VTA1: variants seen among roughly 807,000 people sequenced by gnomAD.
VTA1 encodes the protein vacuolar protein sorting-associated protein VTA1 homolog.
A neutral mutation model predicts 36.9 loss-of-function variants in VTA1; 24 were observed. The observed-to-expected ratio is 0.65, with a 90% CI of 0.47 to 0.91. The LOEUF (loss-of-function observed/expected upper bound fraction) is 0.91, where lower values mean the gene tolerates loss of function less well. Ranked by LOEUF, VTA1 falls within the 40% of genes least tolerant of loss-of-function variation. The probability of loss-of-function intolerance (pLI) is 0.00; values close to 1 mark genes in which losing one functional copy is unlikely to be tolerated. For synonymous variants in VTA1, 142 were observed against 130.2 expected, an observed-to-expected ratio of 1.09 and a Z score of -0.62; for missense variants, 393 against 377.2, an observed-to-expected ratio of 1.04 and a Z score of -0.35.
At chr6:142,204,615 CTT>C (rs1207271709) in intron 7 of VTA1, among the ~76,000 whole-genome samples, 1 of 151,932 alleles carries the variant, frequency 6.6e-6, no homozygotes, top group Non-Finnish European at 1.5e-5. Context: ...CTCATTCAGA[CTT>C]TTGTTTTCTT....
intron 4 of VTA1, among the ~76,000 whole-genome samples, chr6:142,173,193 T>C (rs1042177181): frequency 1.6e-4 from 24 of 152,306 alleles, no homozygotes; most frequent in African/African-American, 5.8e-4. Flanking sequence ...ATTCAAGTTA[T>C]AAGATTAGAC....
chr6:142,157,604 T>C (rs1056794827), intron 1 of VTA1, among the ~76,000 whole-genome samples: 1 of 152,122 alleles, frequency 6.6e-6, no homozygotes, highest in Admixed American at 6.5e-5. Flanking sequence ...ATTCTTAACT[T>C]TCATTTCTTT....
intron 4 of VTA1, among the ~76,000 whole-genome samples, chr6:142,181,684 C>T (rs903407388): frequency 3.3e-5 from 5 of 151,388 alleles, no homozygotes; most frequent in African/African-American, 1.2e-4. Context: ...AGTTACCGAC[C>T]TTACCTTGTT....
chr6:142,198,770 T>A, intron 6 of VTA1, 155 bp downstream of exon 6: 1 of 661,108 alleles, frequency 1.5e-6, no homozygotes, highest in Non-Finnish European at 2.4e-6. Flanking sequence ...ATTATTTTCA[T>A]TAAAATTTTA....
intron 4 of VTA1, among the ~76,000 whole-genome samples, chr6:142,180,792 T>A (rs1775211534): frequency 6.6e-6 from 1 of 151,904 alleles, no homozygotes; most frequent in Non-Finnish European, 1.5e-5. Flanking sequence ...CCGAACGTAA[T>A]CATGAGGAGA....
At chr6:142,209,708 TTAA>T (rs1443832792) in intron 7 of VTA1, among the ~76,000 whole-genome samples, 3 of 151,776 alleles carry the variant, frequency 2.0e-5, no homozygotes, top group African/African-American at 7.2e-5. Flanking sequence ...TGTGTATATA[TTAA>T]TAACAGAAAA....
chr6:142,195,273 A>G (rs1351536062), intron 5 of VTA1, among the ~76,000 whole-genome samples: 1 of 135,744 alleles, frequency 7.4e-6, no homozygotes, highest in African/African-American at 2.5e-5. Context: ...TAGATTTAGG[A>G]CTGTTCAGAT....
At chr6:142,198,096 C>CAAA (rs200763527) in intron 5 of VTA1, among the ~76,000 whole-genome samples, 89 of 100,334 alleles carry the variant, frequency 8.9e-4, no homozygotes, top group Non-Finnish European at 1.4e-3. Flanking sequence ...GACTCCGTCT[C>CAAA]AAAAAAAAAT....
At chr6:142,157,197 T>C (rs1472628892) in intron 1 of VTA1, among the ~76,000 whole-genome samples, 1 of 152,254 alleles carries the variant, frequency 6.6e-6, no homozygotes, top group African/African-American at 2.4e-5. Flanking sequence ...TGCCTCTTAC[T>C]ATTTTTTGTT....
rs184348939 is a variant in VTA1 at position 142,174,243 on chromosome 6, G to A, written c.411+3822G>A. On this transcript the variant is annotated intron_variant, in intron 4 of 7. Transcript: ENST00000367630. ...GGGCTGTACCCTGCAAAGCCATAGG[G>A]GCAGAGCTGCCCAAGGCCACCACTT... 1.8e-3 allele frequency among the ~76,000 whole-genome samples: 275 copies of A among 152,286 alleles called. 2 individuals carry two copies. Among genetic ancestry groups the A allele is most frequent in the African/African-American group, 5.9e-3 (245 of 41,578 alleles).
chr6:142,165,049 G>A lies in VTA1; in HGVS notation c.113-1179G>A, dbSNP rs147961190. The stretch of plus-strand genomic sequence containing the variant: ...TTGTTACAAGTCAATTTGTTTAAAA[G>A]CAAACCAATTTGACAGAAGATTATT... On this transcript the variant is annotated intron_variant, in intron 1 of 7. Transcript: ENST00000367630. Among the ~76,000 whole-genome samples, 49 of 152,282 alleles carry A rather than the reference G, an allele frequency of 3.2e-4. 1 individual carries two copies. The highest frequency in any genetic ancestry group is 1.9e-4 in the African/African-American group (8 of 41,564).
chr6:142,215,526 G>C (rs1775990834), intron 7 of VTA1, among the ~76,000 whole-genome samples: 2 of 152,066 alleles, frequency 1.3e-5, no homozygotes. Flanking sequence ...AATTCTGCCT[G>C]TATTCATAAC....
intron 6 of VTA1, chr6:142,198,817 G>A: frequency 2.2e-6 from 1 of 461,464 alleles, no homozygotes. Flanking sequence ...GAAATGACAA[G>A]TATTATGTGC....
At position 142,147,319 on chromosome 6, in the gene VTA1, C is replaced by G; in HGVS notation, c.32C>G (p.Pro11Arg). The G allele has an allele frequency of 6.2e-7, 1 of 1,614,222 alleles. No individual in the cohort carries two copies. The highest frequency in any genetic ancestry group is 8.5e-7 in the Non-Finnish European group (1 of 1,180,028). Residue 11 changes from proline (P) to arginine (R), a missense_variant, in exon 1 of 8, where the codon CCC (proline) becomes CGC (arginine). Pro to Arg is a moderately radical substitution (Grantham distance 103). Transcript: ENST00000367630. ...GCGCTTGCACCGCTGCCCCCGCTCC[C>G]CGCACAGTTCAAGAGCATACAGCAT... is the stretch of plus-strand genomic sequence containing the variant. Reference protein sequence around the residue: MAALAPLPPLPAQFKSIQHHL... With the variant: MAALAPLPPLRAQFKSIQHHL...
In VTA1 at chr6:142,169,569, A is replaced by G. The variant is rs1055903048; in HGVS notation, c.227A>G (p.Asp76Gly). The G allele has an allele frequency of 3.1e-6, 5 of 1,606,704 alleles. No individual in the cohort carries two copies. The highest frequency in any genetic ancestry group is 3.3e-4 in the Middle Eastern group (2 of 6,034). ...QLEALKKQLG[D>G]NEAITQEIVG... ...TTTTAGCTAAAGAAGCAGTTGGGTG[A>G]TAATGAAGCTATTACTCAAGAAATA... The change falls in exon 3 of 8, where the codon GAT becomes GGT. Residue 76 changes from aspartate (D) to glycine (G), a missense_variant. Physicochemically the swap from Asp to Gly is moderately conservative, Grantham distance 94. Coordinates refer to ENST00000367630, the MANE Select transcript of VTA1 (RefSeq NM_016485.5).
intron 4 of VTA1, among the ~76,000 whole-genome samples, chr6:142,173,415 C>T (rs545817043): frequency 2.6e-5 from 4 of 152,196 alleles, no homozygotes; most frequent in African/African-American, 7.2e-5. Context: ...GGCCTACAGG[C>T]GTGCGCCACC....
At chr6:142,188,179 G>A (rs1361666223) in intron 4 of VTA1, among the ~76,000 whole-genome samples, 1 of 147,592 alleles carries the variant, frequency 6.8e-6, no homozygotes, top group African/African-American at 2.5e-5. Flanking sequence ...AAAGTGCTAG[G>A]ATTACAGGCA....
In VTA1 at chr6:142,221,216, A is replaced by T. The variant is rs936090895; in HGVS notation, c.*2573A>T. 2 of 152,236 alleles carry T rather than the reference A, an allele frequency of 1.3e-5. No individual in the cohort carries two copies. The highest frequency in any genetic ancestry group is 2.4e-5 in the African/African-American group (1 of 41,458). The allele number at this position is 152,236 out of a possible 1,614,324, so 9.4% of individuals were successfully genotyped here. ...CTTGCTAGAAAGTTCTGGGGACCAC[A>T]CTATGGGAACTTCTGTATTAAATAG... On this transcript the variant is annotated 3_prime_UTR_variant, in exon 8 of 8. Coordinates refer to ENST00000367630, the MANE Select transcript of VTA1 (RefSeq NM_016485.5).
intron 7 of VTA1, among the ~76,000 whole-genome samples, chr6:142,205,450 G>A (rs911871503): frequency 6.6e-6 from 1 of 152,136 alleles, no homozygotes; most frequent in African/African-American, 2.4e-5. Flanking sequence ...TCAGGCAGGT[G>A]TTAGGGCAAA....
Sources: allele counts gnomAD v4.1 joint callset (sites outside exome capture counted in the v4.1 genomes callset), GRCh38; gene constraint gnomAD v4.1.1; transcripts MANE v1.5; gene names NCBI Gene and HGNC (gene_info 2026-07-23, HGNC 2026-07-21).